ANKS1B: variants seen among roughly 807,000 people sequenced by gnomAD.
The protein encoded by ANKS1B is ankyrin repeat and sterile alpha motif domain containing 1B.
A neutral mutation model predicts 148.3 loss-of-function variants in ANKS1B; 36 were observed. The ratio of observed to expected loss-of-function variants is 0.24; its 90% CI spans 0.19 to 0.32. The LOEUF is 0.32. Among genes scored for constraint, ANKS1B ranks in the 10% least tolerant of loss-of-function variants. The pLI, the probability that ANKS1B is intolerant of heterozygous loss-of-function variation, is 1.00. For synonymous variants in ANKS1B, 542 were observed against 560.8 expected, an observed-to-expected ratio of 0.97 and a Z score of 0.47; for missense variants, 1,157 against 1,542.6, an observed-to-expected ratio of 0.75 and a Z score of 4.19.
intron 14 of ANKS1B, among the ~76,000 whole-genome samples, chr12:99,164,217 A>T (rs1433790734): frequency 6.6e-6 from 1 of 152,078 alleles, no homozygotes; most frequent in South Asian, 2.1e-4. Flanking sequence ...TTTGGTGTCT[A>T]TCCCATTATT....
chr12:99,281,331 T>A (rs1439548712), intron 12 of ANKS1B, among the ~76,000 whole-genome samples: 5 of 152,218 alleles, frequency 3.3e-5, no homozygotes, highest in African/African-American at 7.2e-5. Flanking sequence ...AAAATGTAAC[T>A]AAAAATTAAC....
intron 12 of ANKS1B, among the ~76,000 whole-genome samples, chr12:99,397,355 G>T (rs1448234675): frequency 6.6e-6 from 1 of 152,078 alleles, no homozygotes; most frequent in Non-Finnish European, 1.5e-5. Flanking sequence ...TAGGTAAGAG[G>T]CTCAGTTTCA....
At chr12:99,094,170 C>T (rs1213155140) in intron 15 of ANKS1B, among the ~76,000 whole-genome samples, 4 of 152,128 alleles carry the variant, frequency 2.6e-5, no homozygotes, top group Non-Finnish European at 5.9e-5. Flanking sequence ...ACAATGAGAT[C>T]AGGACAGACA....
At chr12:99,486,802 C>T (rs1273240289) in intron 10 of ANKS1B, among the ~76,000 whole-genome samples, 2 of 152,168 alleles carry the variant, frequency 1.3e-5, no homozygotes, top group African/African-American at 4.8e-5. Context: ...CACCTCTTTT[C>T]ATCTGTAGGA....
At chr12:99,125,182 T>G (rs1442563694) in intron 15 of ANKS1B, among the ~76,000 whole-genome samples, 1 of 152,146 alleles carries the variant, frequency 6.6e-6, no homozygotes, top group African/African-American at 2.4e-5. Context: ...GCAGGGGTAG[T>G]GAAGCCTTTG....
intron 17 of ANKS1B, among the ~76,000 whole-genome samples, chr12:99,050,062 A>G (rs892231621): frequency 2.0e-5 from 3 of 152,224 alleles, no homozygotes; most frequent in Admixed American, 6.5e-5. Context: ...TTTGCTCTAA[A>G]TCAAGGTGAC....
intron 12 of ANKS1B, among the ~76,000 whole-genome samples, chr12:99,250,843 T>G (rs1241271214): frequency 3.9e-5 from 6 of 152,220 alleles, no homozygotes; most frequent in Non-Finnish European, 7.4e-5. Context: ...CATAGAATAA[T>G]AAATGTGTTA....
chr12:98,791,078 G>A (rs1307883429), intron 22 of ANKS1B, among the ~76,000 whole-genome samples: 2 of 152,226 alleles, frequency 1.3e-5, no homozygotes, highest in East Asian at 3.9e-4. Context: ...TGGGCGTGGT[G>A]GCTCACGCCT....
At chr12:99,962,043 T>C (rs2095419070) in intron 1 of ANKS1B, among the ~76,000 whole-genome samples, 1 of 152,212 alleles carries the variant, frequency 6.6e-6, no homozygotes, top group Non-Finnish European at 1.5e-5. Flanking sequence ...GTATTAAGTA[T>C]GACATTTTTT....
intron 17 of ANKS1B, among the ~76,000 whole-genome samples, chr12:98,924,058 C>A (rs893470041): frequency 6.6e-6 from 1 of 152,188 alleles, no homozygotes; most frequent in Non-Finnish European, 1.5e-5. Context: ...GACTTAGATG[C>A]CTCTATTTAT....
At chr12:99,088,772 G>A (rs1032556480) in intron 15 of ANKS1B, among the ~76,000 whole-genome samples, 2 of 150,398 alleles carry the variant, frequency 1.3e-5, no homozygotes, top group African/African-American at 4.9e-5. Flanking sequence ...TTCCTAGGGA[G>A]CTGGAATTAA....
At chr12:98,850,083 C>T (rs1384380080) in intron 17 of ANKS1B, among the ~76,000 whole-genome samples, 1 of 67,924 alleles carries the variant, frequency 1.5e-5, no homozygotes, top group Non-Finnish European at 2.7e-5. Flanking sequence ...ATTTATGTGA[C>T]TTCCAAATAA....
Position 99,655,068 on chromosome 12 carries a change from T to G in ANKS1B, c.1271A>C (p.Gln424Pro). The change falls in exon 9 of 27, where the codon CAG becomes CCG. Residue 424 changes from glutamine to proline, a missense_variant and splice_region_variant. By Grantham distance (76) the Gln-to-Pro change is moderately conservative. Coordinates refer to ENST00000683438, the MANE Select transcript of ANKS1B (RefSeq NM_001352186.2). The stretch of plus-strand genomic sequence containing the variant: ...ACCTTAATAAAAGCAAACTTTTACC[T>G]GGGCAAGCATGGGGAAGCCAAGGTT... Reference protein sequence around the residue: ...CRNLGFPMLAQESYPKKRNYT... With the variant: ...CRNLGFPMLAPESYPKKRNYT... The G allele has an allele frequency of 6.4e-7, 1 of 1,564,352 alleles. No homozygotes were observed. The highest frequency in any genetic ancestry group is 1.2e-5 in the South Asian group (1 of 81,442).
chr12:98,925,705 G>A (rs914569154), intron 17 of ANKS1B, among the ~76,000 whole-genome samples: 2 of 152,108 alleles, frequency 1.3e-5, no homozygotes, highest in African/African-American at 4.8e-5. Flanking sequence ...ATGAAAACTA[G>A]CAGCCTAGCA....
intron 1 of ANKS1B, among the ~76,000 whole-genome samples, chr12:99,939,779 T>C (rs1322125162): frequency 6.6e-6 from 1 of 152,190 alleles, no homozygotes; most frequent in Non-Finnish European, 1.5e-5. Flanking sequence ...TTACGTGTTA[T>C]AAAATGTGAG....
chr12:99,810,977 TGATAAA>T (rs2068281813), intron 3 of ANKS1B, among the ~76,000 whole-genome samples: 1 of 151,928 alleles, frequency 6.6e-6, no homozygotes, highest in African/African-American at 2.4e-5. Flanking sequence ...CATGATATGA[TGATAAA>T]GATAGCCATA....
chr12:99,207,535 T>C (rs1444341742), intron 14 of ANKS1B, among the ~76,000 whole-genome samples: 1 of 152,104 alleles, frequency 6.6e-6, no homozygotes, highest in Admixed American at 6.6e-5. Flanking sequence ...AAAAAATTGT[T>C]ATATGAGGAA....
At chr12:99,371,562 G>GCA (rs34852766) in intron 12 of ANKS1B, among the ~76,000 whole-genome samples, 3,443 of 150,160 alleles carry the variant, frequency 0.023, 114 homozygotes, top group East Asian at 0.091. Flanking sequence ...ATACACATGT[G>GCA]CACACACACA....
intron 1 of ANKS1B, among the ~76,000 whole-genome samples, chr12:99,848,122 G>A (rs886775895): frequency 6.6e-6 from 1 of 152,084 alleles, no homozygotes; most frequent in South Asian, 2.1e-4. Context: ...GAGAGGAAGA[G>A]AGCCTGAGGC....
Sources: gnomAD v4.1 joint callset for allele counts (sites outside exome capture counted in the v4.1 genomes callset) on GRCh38, gnomAD v4.1.1 for gene constraint, MANE v1.5 for transcripts, NCBI Gene and HGNC (gene_info 2026-07-23, HGNC 2026-07-21) for gene names.